Variants in GPC6 observed in about 807,000 individuals in gnomAD.
GPC6 encodes the protein glypican-6.
GPC6 carries 14 observed loss-of-function variants against 55.2 expected under a neutral mutation model. That is an observed-to-expected ratio of 0.25 (90% CI 0.17 to 0.40). The LOEUF (loss-of-function observed/expected upper bound fraction) is 0.40. Ranked by LOEUF, GPC6 falls within the 10% of genes least tolerant of loss-of-function variation. The probability of loss-of-function intolerance (pLI) is 1.00; values close to 1 mark genes in which losing one functional copy is unlikely to be tolerated. For missense variants in GPC6, 641 were observed against 708.5 expected, an observed-to-expected ratio of 0.90 and a Z score of 1.08; for synonymous variants, 278 against 259.6, an observed-to-expected ratio of 1.07 and a Z score of -0.68.
At chr13:93,916,798 T>A (rs1877316667) in intron 3 of GPC6, among the ~76,000 whole-genome samples, 1 of 144,402 alleles carries the variant, frequency 6.9e-6, no homozygotes, top group Non-Finnish European at 1.5e-5. Flanking sequence ...GATTTCTTTG[T>A]GGCATGGGGG....
At chr13:93,771,719 T>C (rs1450610855) in intron 2 of GPC6, among the ~76,000 whole-genome samples, 2 of 120,140 alleles carry the variant, frequency 1.7e-5, no homozygotes, top group Non-Finnish European at 3.7e-5. Flanking sequence ...ACTTAAAGTA[T>C]AATAATAATA....
intron 1 of GPC6, among the ~76,000 whole-genome samples, chr13:93,248,401 A>G (rs1876673455): frequency 1.3e-5 from 2 of 151,580 alleles, no homozygotes; most frequent in African/African-American, 4.8e-5. Context: ...AAAAAAGTCT[A>G]AAAATGTTCT....
intron 5 of GPC6, among the ~76,000 whole-genome samples, chr13:94,287,601 T>G (rs1892565499): frequency 6.6e-6 from 1 of 151,664 alleles, no homozygotes; most frequent in Non-Finnish European, 1.5e-5. Context: ...TGAGCTAGAG[T>G]TTCATAAGCC....
intron 4 of GPC6, among the ~76,000 whole-genome samples, chr13:94,153,155 A>G (rs1887805682): frequency 6.6e-6 from 1 of 152,138 alleles, no homozygotes; most frequent in African/African-American, 2.4e-5. Flanking sequence ...AATTTAATGA[A>G]TGTTGCCACC....
In GPC6 at chr13:93,637,069, G is replaced by C. The variant is rs142381242; in HGVS notation, c.319+91648G>C. ...CTCCTTGTAATGTTTGAAAATTCTT[G>C]AAGTTGGTTTGTTTATTTGGAGGGG... On this transcript the variant is annotated intron_variant, in intron 2 of 8. Transcript: ENST00000377047. Among the ~76,000 whole-genome samples, 28 of 152,046 alleles carry C rather than the reference G, an allele frequency of 1.8e-4. 2 individuals are homozygous for C. The East Asian group carries it at 5.2e-3, about 28-fold the overall frequency.
At chr13:94,127,706 CA>C (rs1886868400) in intron 4 of GPC6, among the ~76,000 whole-genome samples, 1 of 152,066 alleles carries the variant, frequency 6.6e-6, no homozygotes, top group South Asian at 2.1e-4. Flanking sequence ...ATTGCTATTT[CA>C]ATTGTAAAAG....
At chr13:93,610,230 CA>C (rs1878407784) in intron 2 of GPC6, among the ~76,000 whole-genome samples, 5 of 152,176 alleles carry the variant, frequency 3.3e-5, no homozygotes, top group Admixed American at 2.6e-4. Flanking sequence ...GAGGGGAGGA[CA>C]GTAGTGATTC....
intron 1 of GPC6, among the ~76,000 whole-genome samples, chr13:93,468,426 A>G (rs1878992577): frequency 6.6e-6 from 1 of 151,506 alleles, no homozygotes; most frequent in Admixed American, 6.6e-5. Context: ...AAGCATCCTC[A>G]TGAAGTCTGA....
In GPC6 at chr13:93,738,936, T is replaced by TACACACACACAC. The variant is rs56928879; in HGVS notation, c.320-91193_320-91182dup. On this transcript the variant is annotated intron_variant, in intron 2 of 8. Coordinates refer to ENST00000377047, the MANE Select transcript of GPC6 (RefSeq NM_005708.5). Reference sequence around the variant, plus strand: ...TTTAAATTCCAAGTGCACTTGGTTTTACACACACACACACACACACACACA... The same window carrying TACACACACACAC: ...TTTAAATTCCAAGTGCACTTGGTTTTACACACACACACACACACACACACACACACACACACA... 6.4e-3 allele frequency among the ~76,000 whole-genome samples: 933 copies of TACACACACACAC among 145,566 alleles called. 9 individuals carry two copies. The highest frequency in any genetic ancestry group is 0.023 in the African/African-American group (896 of 39,184).
At chr13:93,441,573 T>A (rs548337528) in intron 1 of GPC6, among the ~76,000 whole-genome samples, 3 of 152,264 alleles carry the variant, frequency 2.0e-5, no homozygotes, top group Admixed American at 6.5e-5. Context: ...GTTTGAGTTC[T>A]TTGTAGATTC....
intron 6 of GPC6, among the ~76,000 whole-genome samples, chr13:94,330,657 G>A (rs141978673): frequency 2.2e-4 from 34 of 152,254 alleles, no homozygotes; most frequent in African/African-American, 7.5e-4. Flanking sequence ...CAGGTGATTC[G>A]TAGGTACATC....
intron 2 of GPC6, among the ~76,000 whole-genome samples, chr13:93,766,738 T>C (rs1185449844): frequency 6.6e-6 from 1 of 152,110 alleles, no homozygotes; most frequent in Admixed American, 6.6e-5. Context: ...ACCAAAAAAA[T>C]TCTCTTTTTG....
At chr13:93,322,527 C>T (rs1879491764) in intron 1 of GPC6, among the ~76,000 whole-genome samples, 2 of 144,182 alleles carry the variant, frequency 1.4e-5, no homozygotes, top group Non-Finnish European at 3.0e-5. Flanking sequence ...ACCTCTGCCA[C>T]TTGGGTTCAA....
chr13:93,486,978 CA>C (rs1016186433), intron 1 of GPC6, among the ~76,000 whole-genome samples: 1 of 150,660 alleles, frequency 6.6e-6, no homozygotes, highest in Non-Finnish European at 1.5e-5. Context: ...CCAAAAAACA[CA>C]AAAAAACAAA....
At chr13:94,329,133 T>C (rs1437949435) in intron 6 of GPC6, among the ~76,000 whole-genome samples, 2 of 152,190 alleles carry the variant, frequency 1.3e-5, no homozygotes, top group Non-Finnish European at 2.9e-5. Context: ...TAGAGTAAGA[T>C]TTGTATTTCT....
chr13:94,357,318 G>T (rs894313000), intron 6 of GPC6, among the ~76,000 whole-genome samples: 2 of 152,026 alleles, frequency 1.3e-5, no homozygotes, highest in African/African-American at 4.8e-5. Context: ...CTGATTGGGA[G>T]CCCCAACACC....
chr13:93,372,053 G>T (rs987497745), intron 1 of GPC6, among the ~76,000 whole-genome samples: 5 of 152,100 alleles, frequency 3.3e-5, no homozygotes, highest in Admixed American at 2.0e-4. Flanking sequence ...ATGAGCAAAA[G>T]ATACACTTTG....
At chr13:94,128,940 C>G (rs1886918113) in intron 4 of GPC6, among the ~76,000 whole-genome samples, 1 of 152,078 alleles carries the variant, frequency 6.6e-6, no homozygotes, top group African/African-American at 2.4e-5. Flanking sequence ...ATACAAAAAC[C>G]AGTATCTCTA....
Position 93,606,533 on chromosome 13 carries a change from G to T in GPC6, c.319+61112G>T, listed in dbSNP as rs148329567. On this transcript the variant is annotated intron_variant, in intron 2 of 8. Transcript: ENST00000377047. ...GTTTGCCCACATCTAGGTTAAATAT[G>T]TTGTAGTGCAGTAGAGGCACATTTA... 7.6e-4 allele frequency among the ~76,000 whole-genome samples: 116 copies of T among 152,320 alleles called. 1 individual carries two copies. The Middle Eastern group carries it at 0.01, about 13-fold the overall frequency.
Sources: allele counts gnomAD v4.1 joint callset (sites outside exome capture counted in the v4.1 genomes callset), GRCh38; gene constraint gnomAD v4.1.1; transcripts MANE v1.5; gene names NCBI Gene and HGNC (gene_info 2026-07-23, HGNC 2026-07-21).